PDE4D: variants seen among roughly 807,000 people sequenced by gnomAD.
PDE4D encodes phosphodiesterase 4D, also known as 3',5'-cyclic-AMP phosphodiesterase 4D.
A neutral mutation model predicts 87.4 loss-of-function variants in PDE4D; 24 were observed. The ratio of observed to expected loss-of-function variants is 0.27; its 90% CI spans 0.20 to 0.39. The LOEUF (loss-of-function observed/expected upper bound fraction) is 0.39. PDE4D is among the 10% of genes least tolerant of loss of function. The pLI is 1.00. For synonymous variants in PDE4D, 384 were observed against 383.2 expected, an observed-to-expected ratio of 1.00 and a Z score of -0.02; for missense variants, 714 against 1,041.0, an observed-to-expected ratio of 0.69 and a Z score of 4.32.
At chr5:60,372,896 A>T (rs1761148649) in intron 1 of PDE4D, among the ~76,000 whole-genome samples, 1 of 152,166 alleles carries the variant, frequency 6.6e-6, no homozygotes, top group African/African-American at 2.4e-5. Flanking sequence ...TTCTCCTTTT[A>T]TCTCTCCATT....
chr5:60,030,381 C>T (rs575582424), intron 2 of PDE4D, among the ~76,000 whole-genome samples: 7 of 152,094 alleles, frequency 4.6e-5, no homozygotes, highest in Admixed American at 3.3e-4. Flanking sequence ...ACCCGGGAAG[C>T]GGAGCTTGCA....
chr5:60,266,492 A>C (rs1750226051), intron 1 of PDE4D, among the ~76,000 whole-genome samples: 1 of 152,138 alleles, frequency 6.6e-6, no homozygotes, highest in African/African-American at 2.4e-5. Flanking sequence ...TTGGCATCCT[A>C]TTACCATTGG....
At chr5:60,485,206 G>A (rs993769177) in intron 1 of PDE4D, among the ~76,000 whole-genome samples, 4 of 152,154 alleles carry the variant, frequency 2.6e-5, no homozygotes, top group African/African-American at 7.2e-5. Flanking sequence ...TGTGGGAAGA[G>A]GGACATTTGT....
At chr5:59,645,650 C>T (rs541716391) in intron 1 of PDE4D, among the ~76,000 whole-genome samples, 4 of 152,268 alleles carry the variant, frequency 2.6e-5, no homozygotes, top group African/African-American at 9.6e-5. Context: ...GCCCAGAGAT[C>T]ACTCCAAAAT....
intron 1 of PDE4D, among the ~76,000 whole-genome samples, chr5:60,277,004 G>T (rs1371546577): frequency 6.6e-6 from 1 of 151,432 alleles, no homozygotes. Flanking sequence ...GCCAGTCTTT[G>T]TTTTTTGCTT....
rs564510078 is a variant in PDE4D at position 60,508,934 on chromosome 5, C to T, written n.70+13117G>A. On this transcript the variant is annotated intron_variant and non_coding_transcript_variant, in intron 1 of 2. Coordinates refer to the PDE4D transcript ENST00000506510. ...ATTTATTTTGAGACACAGTCTTGCT[C>T]TGTCATCCAGGCTGGAGTGCAGTGG... Among the ~76,000 whole-genome samples the T allele has an allele frequency of 7.8e-4, 118 of 151,268 alleles. 1 individual carries two copies. The highest frequency in any genetic ancestry group is 3.2e-3 in the Middle Eastern group (1 of 314).
chr5:59,607,322 C>G (rs1440498604), intron 1 of PDE4D, among the ~76,000 whole-genome samples: 2 of 152,028 alleles, frequency 1.3e-5, no homozygotes, highest in African/African-American at 4.8e-5. Context: ...GACTGAGTGC[C>G]CAGCATCCAT....
At chr5:60,322,402 ACACACACAC>A (rs1756379519) in intron 1 of PDE4D, among the ~76,000 whole-genome samples, 23 of 142,524 alleles carry the variant, frequency 1.6e-4, no homozygotes, top group East Asian at 5.0e-4. Flanking sequence ...ACACACACAC[ACACACACAC>A]ACACAAAACC....
At chr5:60,110,088 A>G (rs1361849684) in intron 2 of PDE4D, among the ~76,000 whole-genome samples, 1 of 152,120 alleles carries the variant, frequency 6.6e-6, no homozygotes, top group Non-Finnish European at 1.5e-5. Flanking sequence ...GTGGTACTCA[A>G]ATGCCAAAGC....
chr5:59,649,931 T>TTTTTTTTTTTTTTTTTTTTTTC (rs1474090994), intron 1 of PDE4D, among the ~76,000 whole-genome samples: 1 of 141,262 alleles, frequency 7.1e-6, no homozygotes, highest in Non-Finnish European at 1.5e-5. Context: ...TTTTTTTTTT[T>TTTTTTTTTTTTTTTTTTTTTTC]TAGCAATGAC....
chr5:59,742,647 T>G (rs1238848973), intron 1 of PDE4D, among the ~76,000 whole-genome samples: 5 of 152,314 alleles, frequency 3.3e-5, no homozygotes, highest in African/African-American at 1.2e-4. Flanking sequence ...ATACCAGGTG[T>G]GCAGTAATCA....
intron 2 of PDE4D, among the ~76,000 whole-genome samples, chr5:60,018,387 A>G (rs1283204618): frequency 1.3e-5 from 2 of 152,172 alleles, no homozygotes; most frequent in East Asian, 3.9e-4. Context: ...GCAAAACCAT[A>G]CCAAAATATA....
chr5:60,405,447 A>G (rs764109223), intron 1 of PDE4D, among the ~76,000 whole-genome samples: 2 of 152,204 alleles, frequency 1.3e-5, no homozygotes, highest in Non-Finnish European at 2.9e-5. Flanking sequence ...TAACTGGCGC[A>G]ATTTTTGGCT....
intron 2 of PDE4D, among the ~76,000 whole-genome samples, chr5:60,047,508 G>A (rs1164449241): frequency 2.6e-5 from 4 of 152,106 alleles, no homozygotes; most frequent in Admixed American, 1.3e-4. Context: ...GGCATTTAGT[G>A]CTATAAATTT....
intron 1 of PDE4D, among the ~76,000 whole-genome samples, chr5:59,398,122 T>C (rs150676617): frequency 6.8e-6 from 1 of 147,876 alleles, no homozygotes; most frequent in Non-Finnish European, 1.5e-5. Context: ...CAGGACCAGA[T>C]GGATTCACAG....
intron 1 of PDE4D, among the ~76,000 whole-genome samples, chr5:59,418,560 T>C (rs1294480929): frequency 6.6e-6 from 1 of 152,164 alleles, no homozygotes; most frequent in Non-Finnish European, 1.5e-5. Context: ...ACTCCTGCTT[T>C]CTCCATGGTA....
At chr5:59,790,407 C>G (rs1396530992) in intron 1 of PDE4D, among the ~76,000 whole-genome samples, 1 of 152,108 alleles carries the variant, frequency 6.6e-6, no homozygotes, top group Admixed American at 6.5e-5. Flanking sequence ...GAAACTAAAG[C>G]CTTTAATAAG....
intron 1 of PDE4D, among the ~76,000 whole-genome samples, chr5:59,650,014 C>A (rs1333110115): frequency 2.1e-5 from 3 of 140,722 alleles, no homozygotes; most frequent in Non-Finnish European, 4.5e-5. Flanking sequence ...ACCATCAGTT[C>A]TTAAGGTCTG....
chr5:60,031,499 C>T (rs756799266), intron 2 of PDE4D, among the ~76,000 whole-genome samples: 18 of 152,260 alleles, frequency 1.2e-4, no homozygotes, highest in South Asian at 6.2e-4. Context: ...GGAACAGCAG[C>T]GGGGAGGAGC....
Sources: allele counts gnomAD v4.1 joint callset (sites outside exome capture counted in the v4.1 genomes callset), GRCh38; gene constraint gnomAD v4.1.1; transcripts MANE v1.5; gene names NCBI Gene and HGNC (gene_info 2026-07-23, HGNC 2026-07-21).